The following C8orf90 variants were observed in gnomAD, a reference collection of about 807,000 sequenced individuals.
C8orf90 encodes chromosome 8 open reading frame 90.
chr8:141,518,107 T>G, the C8orf90 span: 1 of 517,976 alleles, frequency 1.9e-6, no homozygotes, highest in Non-Finnish European at 3.4e-6. Flanking sequence ...GGCGGCTCCT[T>G]CCAGACTGGC....
chr8:141,514,782 G>C, the C8orf90 span: 1 of 700,588 alleles, frequency 1.4e-6, no homozygotes, highest in Non-Finnish European at 2.6e-6. Flanking sequence ...CTTGGTGAGG[G>C]AGGGGAATGG....
the C8orf90 span, among the ~76,000 whole-genome samples, chr8:141,516,488 G>A: frequency 6.6e-6 from 1 of 152,116 alleles, no homozygotes; most frequent in Non-Finnish European, 1.5e-5. Flanking sequence ...TGCGCCGGCA[G>A]CACACGGCTC....
chr8:141,518,266 G>A, the C8orf90 span: 3 of 632,192 alleles, frequency 4.7e-6, no homozygotes, highest in Non-Finnish European at 8.5e-6. Context: ...CGGCGGGGAC[G>A]CGCAGCTCTG....
At chr8:141,518,700 C>A in the C8orf90 span, 2 of 524,668 alleles carry the variant, frequency 3.8e-6, no homozygotes, top group Non-Finnish European at 6.7e-6. Context: ...GCCCCGAGAG[C>A]GAACAGAATA....
chr8:141,518,595 G>C, the C8orf90 span: 70 of 465,978 alleles, frequency 1.5e-4, no homozygotes, highest in South Asian at 2.1e-3. Flanking sequence ...GCCCGGCCTC[G>C]TCCTGCTGCT....
At chr8:141,517,569 C>T in the C8orf90 span, among the ~76,000 whole-genome samples, 1 of 152,186 alleles carries the variant, frequency 6.6e-6, no homozygotes, top group African/African-American at 2.4e-5. Context: ...CCTCCGCTCC[C>T]TCCTGGGGCC....
At chr8:141,518,488 G>A in the C8orf90 span, 1 of 632,532 alleles carries the variant, frequency 1.6e-6, no homozygotes, top group Admixed American at 2.6e-5. Flanking sequence ...TTCGCCCCCA[G>A]CGCTGCTGCG....
the C8orf90 span, chr8:141,518,464 C>A: frequency 3.1e-6 from 2 of 654,862 alleles, no homozygotes; most frequent in East Asian, 3.2e-5. Context: ...CTTCCTGCTG[C>A]GCGGCCCCGG....
At chr8:141,516,377 C>T in the C8orf90 span, among the ~76,000 whole-genome samples, 1 of 152,204 alleles carries the variant, frequency 6.6e-6, no homozygotes, top group Non-Finnish European at 1.5e-5. Flanking sequence ...CCACTCTCAC[C>T]GGGTTTTAAT....
At chr8:141,516,486 C>T in the C8orf90 span, among the ~76,000 whole-genome samples, 2 of 152,176 alleles carry the variant, frequency 1.3e-5, no homozygotes, top group African/African-American at 4.8e-5. Flanking sequence ...GATGCGCCGG[C>T]AGCACACGGC....
At chr8:141,517,735 C>A in the C8orf90 span, among the ~76,000 whole-genome samples, 7 of 152,186 alleles carry the variant, frequency 4.6e-5, no homozygotes, top group Admixed American at 3.9e-4. Context: ...ATCTTGTCCT[C>A]CCCTGGATCT....
At chr8:141,514,827 A>G in the C8orf90 span, 1 of 690,058 alleles carries the variant, frequency 1.4e-6, no homozygotes, top group Admixed American at 2.1e-5. Context: ...GGGCTCTGAG[A>G]ATGTGGGAGC....
chr8:141,516,600 C>T, the C8orf90 span, among the ~76,000 whole-genome samples: 3 of 152,120 alleles, frequency 2.0e-5, no homozygotes, highest in African/African-American at 2.4e-5. Context: ...AGGGAGGACC[C>T]GAAGCTCTCT....
chr8:141,517,981 A>G, the C8orf90 span, among the ~76,000 whole-genome samples: 1 of 152,152 alleles, frequency 6.6e-6, no homozygotes, highest in African/African-American at 2.4e-5. Flanking sequence ...CCGTACACCC[A>G]GGACCTCCCT....
At chr8:141,518,633 G>A in the C8orf90 span, 2 of 526,010 alleles carry the variant, frequency 3.8e-6, no homozygotes, top group South Asian at 2.5e-5. Flanking sequence ...CCTTCCCGGA[G>A]CCCGAGGCCA....
the C8orf90 span, chr8:141,514,795 G>A: frequency 3.0e-5 from 21 of 699,224 alleles, no homozygotes; most frequent in Middle Eastern, 2.3e-4. Context: ...GGGAATGGAC[G>A]GGAAGGGGGA....
the C8orf90 span, among the ~76,000 whole-genome samples, chr8:141,517,268 G>C: frequency 1.1e-4 from 15 of 139,752 alleles, no homozygotes; most frequent in South Asian, 2.4e-4. Flanking sequence ...TCCCAGTGTG[G>C]CCATCCCCAG....
chr8:141,518,671 T>C, the C8orf90 span: 1 of 543,480 alleles, frequency 1.8e-6, no homozygotes. Flanking sequence ...ACCCCCAGGC[T>C]GGCCCAGGCC....
the C8orf90 span, chr8:141,518,391 G>A: frequency 4.4e-6 from 3 of 674,710 alleles, no homozygotes; most frequent in East Asian, 3.0e-5. Flanking sequence ...TCGCCTGGCC[G>A]CCGGGGTCCG....
Sources: gnomAD v4.1 joint callset for allele counts (sites outside exome capture counted in the v4.1 genomes callset) on GRCh38, gnomAD v4.1.1 for gene constraint, MANE v1.5 for transcripts, NCBI Gene and HGNC (gene_info 2026-07-23, HGNC 2026-07-21) for gene names.